Variants in CALN1 observed in about 807,000 individuals in gnomAD.
CALN1 encodes the protein calneuron 1.
In CALN1, 17 loss-of-function variants were observed where a neutral mutation model predicts 30.6. The observed-to-expected ratio is 0.56, with a 90% CI of 0.38 to 0.83. The LOEUF (loss-of-function observed/expected upper bound fraction) is 0.83. Ranked by LOEUF, CALN1 falls within the 40% of genes least tolerant of loss-of-function variation. CALN1 has a pLI of 0.00. For synonymous variants in CALN1, 156 were observed against 131.4 expected, an observed-to-expected ratio of 1.19 and a Z score of -1.28; for missense variants, 291 against 354.9, an observed-to-expected ratio of 0.82 and a Z score of 1.45.
At position 71,821,640 on chromosome 7, in the gene CALN1, G is replaced by T. The variant is rs144614449; in HGVS notation, c.502-11148C>A. ...CACAATTCAAGATGAGATTTGTGTG[G>T]GGACACAGCTAAACCATACCAATCA... On this transcript the variant is annotated intron_variant, in intron 5 of 6. Transcript: ENST00000395275. Among the ~76,000 whole-genome samples the T allele has an allele frequency of 4.5e-3, 678 of 152,180 alleles. 1 individual carries two copies. The highest frequency in any genetic ancestry group is 0.017 in the Middle Eastern group (5 of 294).
chr7:72,246,562 C>G (rs1300315534), intron 3 of CALN1, among the ~76,000 whole-genome samples: 1 of 152,064 alleles, frequency 6.6e-6, no homozygotes, highest in African/African-American at 2.4e-5. Context: ...ACCAGATTCT[C>G]TTTCGAGAGA....
In CALN1 at chr7:72,409,791, A is replaced by G. The variant is rs144693530; in HGVS notation, c.-74+2267T>C. Among the ~76,000 whole-genome samples, 32 of 152,206 alleles carry G rather than the reference A, an allele frequency of 2.1e-4. No individual in the cohort carries two copies. The East Asian group carries it at 6.1e-3, about 29-fold the overall frequency. On this transcript the variant is annotated intron_variant, in intron 1 of 6. Transcript: ENST00000395275. ...TCCCAGGCTGTTACTCGAAGACCCAATTCAAAGAATCACCAAGGAACGTTC... is the reference window on the plus strand; with the variant it reads ...TCCCAGGCTGTTACTCGAAGACCCAGTTCAAAGAATCACCAAGGAACGTTC...
chr7:72,205,551 A>AATATATACATACATATATAT (rs1554319584), intron 3 of CALN1, among the ~76,000 whole-genome samples: 1 of 83,052 alleles, frequency 1.2e-5, no homozygotes, highest in African/African-American at 7.5e-5. Context: ...GCAAAAAAAA[A>AATATATACATACATATATAT]ATATATATAT....
chr7:72,177,781 T>C (rs1585099031), intron 3 of CALN1, among the ~76,000 whole-genome samples: 1 of 147,670 alleles, frequency 6.8e-6, no homozygotes, highest in African/African-American at 2.5e-5. Flanking sequence ...GGACATTTGG[T>C]GGCGATTTGG....
intron 3 of CALN1, among the ~76,000 whole-genome samples, chr7:72,121,519 G>A (rs1584985811): frequency 2.0e-5 from 3 of 147,444 alleles, no homozygotes; most frequent in South Asian, 2.1e-4. Flanking sequence ...AAATCAACAC[G>A]GACATGAGTC....
chr7:71,937,393 T>C (rs1432998764), intron 5 of CALN1, among the ~76,000 whole-genome samples: 1 of 151,150 alleles, frequency 6.6e-6, no homozygotes, highest in Non-Finnish European at 1.5e-5. Flanking sequence ...TATGTATATA[T>C]GTATTTACAT....
chr7:71,791,411 G>A (rs1006571522), intron 6 of CALN1, among the ~76,000 whole-genome samples: 1 of 152,138 alleles, frequency 6.6e-6, no homozygotes, highest in East Asian at 1.9e-4. Context: ...GAACATTAAT[G>A]GTGCTGGAGG....
chr7:72,028,303 G>T (rs547322628), intron 4 of CALN1, among the ~76,000 whole-genome samples: 15 of 152,222 alleles, frequency 9.9e-5, no homozygotes, highest in Non-Finnish European at 1.2e-4. Context: ...CAGGGTGCAG[G>T]GAGCGCAGCA....
intron 3 of CALN1, among the ~76,000 whole-genome samples, chr7:72,189,016 G>A (rs12538529): frequency 6.6e-6 from 1 of 152,120 alleles, no homozygotes; most frequent in South Asian, 2.1e-4. Flanking sequence ...CTCCTCCAGT[G>A]AGGAAAAAGA....
intron 2 of CALN1, among the ~76,000 whole-genome samples, chr7:72,391,194 A>T (rs372416606): frequency 6.6e-6 from 1 of 152,322 alleles, no homozygotes; most frequent in South Asian, 2.1e-4. Context: ...GCAGCCACAT[A>T]TTGAAAGAAG....
chr7:72,078,055 G>A (rs964389744), intron 4 of CALN1, among the ~76,000 whole-genome samples: 4 of 152,148 alleles, frequency 2.6e-5, no homozygotes, highest in Non-Finnish European at 5.9e-5. Context: ...CCCGGCTAAT[G>A]ACTAGGTATG....
intron 5 of CALN1, among the ~76,000 whole-genome samples, chr7:71,833,374 C>T (rs938123286): frequency 2.6e-5 from 4 of 152,116 alleles, no homozygotes; most frequent in Non-Finnish European, 5.9e-5. Context: ...AGGATGAGTG[C>T]ACATTGTCCT....
chr7:72,362,026 A>T (rs1803603684), intron 2 of CALN1, among the ~76,000 whole-genome samples: 1 of 152,100 alleles, frequency 6.6e-6, no homozygotes, highest in Non-Finnish European at 1.5e-5. Context: ...CAGGAGAGAA[A>T]ATTTCCTCAT....
intron 3 of CALN1, among the ~76,000 whole-genome samples, chr7:72,213,492 T>A (rs1168724605): frequency 6.6e-6 from 1 of 152,174 alleles, no homozygotes; most frequent in African/African-American, 2.4e-5. Context: ...TTTGGGGTGA[T>A]GGAAATCTAC....
intron 2 of CALN1, among the ~76,000 whole-genome samples, chr7:72,339,271 C>T (rs1802273766): frequency 6.6e-6 from 1 of 152,164 alleles, no homozygotes; most frequent in Non-Finnish European, 1.5e-5. Flanking sequence ...AGTGCTGCAA[C>T]AAACATCAGA....
At chr7:72,310,907 T>TAAA (rs5884884) in intron 2 of CALN1, among the ~76,000 whole-genome samples, 4 of 113,728 alleles carry the variant, frequency 3.5e-5, no homozygotes, top group Admixed American at 9.1e-5. Context: ...GACTCCGTCT[T>TAAA]AAAAAAAAAA....
chr7:72,126,148 A>AC (rs1563079983), intron 3 of CALN1, among the ~76,000 whole-genome samples: 1 of 152,136 alleles, frequency 6.6e-6, no homozygotes. Flanking sequence ...GCTCCCACTT[A>AC]TAAGTGAGAA....
At chr7:72,242,266 A>AATG (rs1794889923) in intron 3 of CALN1, among the ~76,000 whole-genome samples, 1 of 152,034 alleles carries the variant, frequency 6.6e-6, no homozygotes, top group South Asian at 2.1e-4. Context: ...CATTCTTTCC[A>AATG]CCTTTTGGCT....
chr7:72,471,764 A>G, the CALN1 span, among the ~76,000 whole-genome samples: 1 of 152,152 alleles, frequency 6.6e-6, no homozygotes, highest in Non-Finnish European at 1.5e-5. Context: ...CAAGCAAGAC[A>G]GTTGTCCACC....
Sources: allele counts gnomAD v4.1 joint callset (sites outside exome capture counted in the v4.1 genomes callset), GRCh38; gene constraint gnomAD v4.1.1; transcripts MANE v1.5; gene names NCBI Gene and HGNC (gene_info 2026-07-23, HGNC 2026-07-21).